TRIT1: variants seen among roughly 807,000 people sequenced by gnomAD.
TRIT1 encodes tRNA dimethylallyltransferase.
A neutral mutation model predicts 51.2 loss-of-function variants in TRIT1; 43 were observed. The observed-to-expected ratio is 0.84, with a 90% CI of 0.66 to 1.08. The LOEUF (loss-of-function observed/expected upper bound fraction) is 1.08, where lower values mean the gene tolerates loss of function less well. Among genes scored for constraint, TRIT1 ranks in the 50% least tolerant of loss-of-function variants. The probability of loss-of-function intolerance (pLI) is 0.00; values close to 1 mark genes in which losing one functional copy is unlikely to be tolerated. For missense variants in TRIT1, 528 were observed against 578.4 expected, an observed-to-expected ratio of 0.91 and a Z score of 0.89; for synonymous variants, 184 against 203.9, an observed-to-expected ratio of 0.90 and a Z score of 0.83.
At position 39,872,656 on chromosome 1, in the gene TRIT1, G is replaced by A. The variant is rs1643913136; in HGVS notation, c.174+10662C>T. Among the ~76,000 whole-genome samples, 5 of 151,942 alleles carry A rather than the reference G, an allele frequency of 3.3e-5. No homozygotes were observed. In the South Asian group the frequency reaches 1.0e-3, roughly 32 times the overall value. ...TACAGATAGAGAAATAAATATAAAT[G>A]TGTGTATATATAGATTAATATACAT... On this transcript the variant is annotated intron_variant, in intron 1 of 10. Coordinates refer to ENST00000316891, the MANE Select transcript of TRIT1 (RefSeq NM_017646.6).
chr1:39,845,818 C>T (rs1206941362), intron 8 of TRIT1, among the ~76,000 whole-genome samples: 7 of 152,210 alleles, frequency 4.6e-5, no homozygotes, highest in Admixed American at 4.6e-4. Context: ...CAGACCAGCC[C>T]TGGCCAATCA....
At position 39,847,176 on chromosome 1, in the gene TRIT1, T is replaced by C. The variant is rs547574830; in HGVS notation, c.1006+44A>G. ...GGGTGAGCTGAGGACATCTATATTC[T>C]ATTGAAAACAGACCCATAGGATAAA... is the stretch of plus-strand genomic sequence containing the variant. On this transcript the variant is annotated intron_variant, in intron 8 of 10. Coordinates refer to ENST00000316891, the MANE Select transcript of TRIT1 (RefSeq NM_017646.6). The C allele has an allele frequency of 1.9e-5, 28 of 1,506,762 alleles. No individual in the cohort carries two copies. In the South Asian group the frequency reaches 3.1e-4, roughly 17 times the overall value. The allele number at this position is 1,506,762 out of a possible 1,614,324, so 93.3% of individuals were successfully genotyped here. A position where few individuals can be genotyped will look rare whatever the true frequency, so the allele number is the denominator to read the frequency against.
intron 9 of TRIT1, 41 bp from the exon 10 acceptor site, chr1:39,844,259 G>A: frequency 6.8e-7 from 1 of 1,473,878 alleles, no homozygotes; most frequent in Non-Finnish European, 9.5e-7. Flanking sequence ...AATTCAAAGA[G>A]ATCTGGATAT....
intron 3 of TRIT1, among the ~76,000 whole-genome samples, chr1:39,853,653 C>T (rs937371912): frequency 1.3e-5 from 2 of 152,212 alleles, no homozygotes; most frequent in Non-Finnish European, 2.9e-5. Context: ...CTCAGGTGAG[C>T]CACCCACCTT....
intron 9 of TRIT1, 148 bp downstream of exon 9, chr1:39,844,383 A>T (rs1642100956): frequency 1.2e-6 from 1 of 814,872 alleles, no homozygotes; most frequent in Admixed American, 2.4e-5. Context: ...AAAGTAGAAA[A>T]GCAGTCTCCA....
chr1:39,868,715 TGA>T (rs994102449), intron 1 of TRIT1, among the ~76,000 whole-genome samples: 1 of 149,560 alleles, frequency 6.7e-6, no homozygotes, highest in Non-Finnish European at 1.5e-5. Context: ...GCAAAAGATC[TGA>T]GAGACACTTC....
intron 10 of TRIT1, among the ~76,000 whole-genome samples, chr1:39,842,546 G>A (rs147877044): frequency 6.6e-5 from 10 of 152,218 alleles, no homozygotes; most frequent in Admixed American, 1.3e-4. Flanking sequence ...ATTTATCACC[G>A]ACGATCTCTT....
chr1:39,853,336 C>T (rs1353414737), intron 3 of TRIT1, among the ~76,000 whole-genome samples: 5 of 147,856 alleles, frequency 3.4e-5, no homozygotes, highest in Non-Finnish European at 7.5e-5. Flanking sequence ...TAATGGCTAA[C>T]GTACTGGGTT....
At chr1:39,878,352 A>T (rs921722995) in intron 1 of TRIT1, among the ~76,000 whole-genome samples, 1 of 152,206 alleles carries the variant, frequency 6.6e-6, no homozygotes, top group Middle Eastern at 3.2e-3. Flanking sequence ...TACTTATTCA[A>T]TGTTTACAAA....
intron 2 of TRIT1, 27 bp downstream of exon 2, chr1:39,857,250 C>T (rs1474408073): frequency 6.3e-7 from 1 of 1,580,656 alleles, no homozygotes; most frequent in Non-Finnish European, 8.6e-7. Flanking sequence ...ACCCACCAAA[C>T]CCAGCTGCTG....
intron 1 of TRIT1, among the ~76,000 whole-genome samples, chr1:39,870,985 G>C (rs1349544659): frequency 3.3e-5 from 5 of 152,198 alleles, no homozygotes; most frequent in Non-Finnish European, 7.3e-5. Flanking sequence ...CCTGAGATCA[G>C]GAGTTCAAGA....
Position 39,840,382 on chromosome 1 carries a change from A to C in TRIT1, c.*1362T>G, listed in dbSNP as rs1652508300. Among the ~76,000 whole-genome samples, 1 of 152,242 alleles carries C rather than the reference A, an allele frequency of 6.6e-6. No individual in the cohort carries two copies. Among genetic ancestry groups the C allele is most frequent in the Admixed American group, 6.5e-5 (1 of 15,286 alleles). On this transcript the variant is annotated 3_prime_UTR_variant, in exon 11 of 11. Coordinates refer to ENST00000316891, the MANE Select transcript of TRIT1 (RefSeq NM_017646.6). The stretch of plus-strand genomic sequence containing the variant: ...ATGAAGTCTTATATGCATAGGAAAC[A>C]AAACATTTATCAAGAATTGCTTTTC...
At chr1:39,850,386 C>G in intron 4 of TRIT1, 125 bp from the exon 5 acceptor site, 1 of 1,248,622 alleles carries the variant, frequency 8.0e-7, no homozygotes, top group Admixed American at 2.4e-5. Context: ...AAGCCAGTCA[C>G]GACAGTGTGC....
chr1:39,841,677 G>A lies in TRIT1; in HGVS notation c.*67C>T. The A allele has an allele frequency of 3.3e-6, 5 of 1,496,558 alleles. No individual in the cohort carries two copies. Among genetic ancestry groups the A allele is most frequent in the Non-Finnish European group, 4.5e-6 (5 of 1,114,580 alleles). 92.7% of individuals were successfully genotyped at this position (1,496,558 alleles called of 1,614,324 possible). A position where few individuals can be genotyped will look rare whatever the true frequency, so the allele number is the denominator to read the frequency against. ...TAGCACTCCTTTGCCCAGACTGGGAGACAAACATACCCCTCCCTCCTGAAC... is the reference window on the plus strand; with the variant it reads ...TAGCACTCCTTTGCCCAGACTGGGAAACAAACATACCCCTCCCTCCTGAAC... On this transcript the variant is annotated 3_prime_UTR_variant, in exon 11 of 11. Transcript: ENST00000316891.
At chr1:39,850,088 G>A (rs1350495273) in intron 5 of TRIT1, 31 bp downstream of exon 5, 1 of 1,610,812 alleles carries the variant, frequency 6.2e-7, no homozygotes, top group Non-Finnish European at 8.5e-7. Flanking sequence ...TTCCATCACA[G>A]ATGGACTCTA....
At chr1:39,882,619 C>T (rs2124700392) in intron 1 of TRIT1, among the ~76,000 whole-genome samples, 1 of 152,328 alleles carries the variant, frequency 6.6e-6, no homozygotes, top group East Asian at 1.9e-4. Context: ...TTTAAAACCT[C>T]TACTTAAAAA....
Position 39,844,107 on chromosome 1 carries a change from A to G in TRIT1, c.1228T>C (p.Trp410Arg), listed in dbSNP as rs761144787. 5.6e-6 allele frequency: 9 copies of G among 1,613,266 alleles called. No homozygotes were observed. The highest frequency in any genetic ancestry group is 7.6e-6 in the Non-Finnish European group (9 of 1,179,336). Residue 410 changes from tryptophan (W) to arginine (R), a missense_variant, in exon 10 of 11, where the codon TGG becomes CGG. This residue lies in a region of TRIT1 where 468 missense variants were observed against 522.6 expected (regional missense o/e 0.90). Coordinates refer to ENST00000316891, the MANE Select transcript of TRIT1 (RefSeq NM_017646.6). ...CDRIIIGDRE[W>R]AAHIKSKSHL... ...GCCCCTCCCCATACTCTACCTGCCCATTCGCGATCCCCAATGATGATTCGA... is the reference window on the plus strand; with the variant it reads ...GCCCCTCCCCATACTCTACCTGCCCGTTCGCGATCCCCAATGATGATTCGA...
chr1:39,841,688 C>A lies in TRIT1; in HGVS notation c.*56G>T. On this transcript the variant is annotated 3_prime_UTR_variant, in exon 11 of 11. Coordinates refer to ENST00000316891, the MANE Select transcript of TRIT1 (RefSeq NM_017646.6). Reference sequence around the variant, plus strand: ...TGCCCAGACTGGGAGACAAACATACCCCTCCCTCCTGAACTGGATCCCCAC... The same window carrying A: ...TGCCCAGACTGGGAGACAAACATACACCTCCCTCCTGAACTGGATCCCCAC... The A allele has an allele frequency of 1.3e-6, 2 of 1,511,860 alleles. No homozygotes were observed. Among genetic ancestry groups the A allele is most frequent in the South Asian group, 1.3e-5 (1 of 76,004 alleles). 93.7% of individuals were successfully genotyped at this position (1,511,860 alleles called of 1,614,324 possible).
intron 1 of TRIT1, among the ~76,000 whole-genome samples, chr1:39,867,620 C>T (rs545095536): frequency 1.1e-4 from 17 of 152,244 alleles, no homozygotes; most frequent in African/African-American, 2.6e-4. Context: ...TGAGAAACTG[C>T]GACACAGAGC....
Sources: gnomAD v4.1 joint callset for allele counts (sites outside exome capture counted in the v4.1 genomes callset) on GRCh38, gnomAD v4.1.1 for gene constraint, gnomAD v4.1.1 regional missense constraint, MANE v1.5 for transcripts, NCBI Gene and HGNC (gene_info 2026-07-23, HGNC 2026-07-21) for gene names.